The following GPHN variants were observed in gnomAD, a reference collection of about 807,000 sequenced individuals.
GPHN encodes gephyrin.
In GPHN, 17 loss-of-function variants were observed where a neutral mutation model predicts 95.5. That is an observed-to-expected ratio of 0.18 (90% confidence interval 0.12 to 0.27). GPHN has a LOEUF of 0.27. Among genes scored for constraint, GPHN ranks in the 10% least tolerant of loss-of-function variants. GPHN has a pLI of 1.00. For missense variants in GPHN, 660 were observed against 978.1 expected, an observed-to-expected ratio of 0.67 and a Z score of 4.34; for synonymous variants, 320 against 322.5, an observed-to-expected ratio of 0.99 and a Z score of 0.08.
At chr14:66,598,158 G>C (rs1423840454) in intron 1 of GPHN, among the ~76,000 whole-genome samples, 1 of 152,098 alleles carries the variant, frequency 6.6e-6, no homozygotes, top group African/African-American at 2.4e-5. Flanking sequence ...TTGGTTAAAA[G>C]ACAGAAAAAT....
intron 1 of GPHN, among the ~76,000 whole-genome samples, chr14:66,662,846 C>A (rs956835334): frequency 2.0e-5 from 3 of 152,066 alleles, no homozygotes; most frequent in Non-Finnish European, 4.4e-5. Context: ...GTATTAATAG[C>A]AGAATAGACC....
chr14:67,278,228 C>T, the GPHN span, among the ~76,000 whole-genome samples: 6,013 of 151,878 alleles, frequency 0.04, 164 homozygotes, highest in Non-Finnish European at 0.059. Flanking sequence ...TTAGTAGAGA[C>T]GGGGTTTTGC....
intron 10 of GPHN, among the ~76,000 whole-genome samples, chr14:67,032,358 C>A (rs1323423533): frequency 6.6e-6 from 1 of 152,194 alleles, no homozygotes; most frequent in African/African-American, 2.4e-5. Context: ...CAGTGCCACA[C>A]ACAGGCACCA....
intron 2 of GPHN, among the ~76,000 whole-genome samples, chr14:66,765,530 C>T (rs965330758): frequency 2.0e-5 from 3 of 152,078 alleles, no homozygotes; most frequent in East Asian, 3.9e-4. Flanking sequence ...AACCAAATGC[C>T]GTATGTTCTC....
At chr14:66,717,767 T>A (rs2070323990) in intron 2 of GPHN, among the ~76,000 whole-genome samples, 1 of 152,160 alleles carries the variant, frequency 6.6e-6, no homozygotes, top group African/African-American at 2.4e-5. Context: ...GCAGTGATGG[T>A]TATCTCTCTT....
chr14:67,304,596 G>A, the GPHN span, among the ~76,000 whole-genome samples: 1 of 152,202 alleles, frequency 6.6e-6, no homozygotes, highest in East Asian at 1.9e-4. Flanking sequence ...TAAATCCATA[G>A]GAGAGAAAGC....
chr14:67,649,332 G>A, the GPHN span: 1 of 152,070 alleles, frequency 6.6e-6, no homozygotes, highest in Non-Finnish European at 1.5e-5. Context: ...GACCAGCGTG[G>A]GCAACATAGT....
the GPHN span, among the ~76,000 whole-genome samples, chr14:67,206,675 A>G: frequency 1.3e-5 from 2 of 152,276 alleles, no homozygotes; most frequent in South Asian, 2.1e-4. Context: ...TCAGAGTGAA[A>G]TGTGCATAGA....
At chr14:67,396,545 G>A in the GPHN span, among the ~76,000 whole-genome samples, 27 of 152,076 alleles carry the variant, frequency 1.8e-4, no homozygotes, top group African/African-American at 6.5e-4. Flanking sequence ...TCACTCCTTT[G>A]GTGAACATTC....
the GPHN span, among the ~76,000 whole-genome samples, chr14:67,325,979 C>CTT: frequency 0.038 from 4,210 of 110,170 alleles, 361 homozygotes; most frequent in African/African-American, 0.15. Context: ...CGGCTCTTTT[C>CTT]TTTTTTTTTT....
intron 3 of GPHN, among the ~76,000 whole-genome samples, chr14:66,817,793 T>C (rs1245765470): frequency 6.6e-6 from 1 of 152,128 alleles, no homozygotes; most frequent in African/African-American, 2.4e-5. Flanking sequence ...GACATGGTAG[T>C]AGAAGTTTAC....
intron 2 of GPHN, among the ~76,000 whole-genome samples, chr14:66,734,194 T>G (rs1447029040): frequency 6.6e-6 from 1 of 152,160 alleles, no homozygotes; most frequent in Non-Finnish European, 1.5e-5. Flanking sequence ...TCTTAAAACC[T>G]TGGTGGCTCT....
At chr14:67,726,564 G>A in the GPHN span, among the ~76,000 whole-genome samples, 1 of 152,292 alleles carries the variant, frequency 6.6e-6, no homozygotes, top group African/African-American at 2.4e-5. Context: ...ACGAGGCAGG[G>A]TGGGGTTCAG....
At chr14:67,411,098 G>A in the GPHN span, among the ~76,000 whole-genome samples, 1 of 139,390 alleles carries the variant, frequency 7.2e-6, no homozygotes. Context: ...GGTGAGCCAG[G>A]ATTGTGCCAC....
chr14:66,968,520 G>A (rs964342506), intron 9 of GPHN, among the ~76,000 whole-genome samples: 1 of 152,098 alleles, frequency 6.6e-6, no homozygotes, highest in African/African-American at 2.4e-5. Context: ...GCACAGAAAT[G>A]TATGTGCAAA....
the GPHN span, chr14:67,600,207 GC>G: frequency 3.8e-6 from 6 of 1,566,476 alleles, no homozygotes; most frequent in African/African-American, 6.8e-5. Flanking sequence ...CCTCCATGAC[GC>G]CCCCACTCGG....
intron 1 of GPHN, among the ~76,000 whole-genome samples, chr14:66,535,584 T>C (rs28869879): frequency 0.33 from 50,417 of 152,056 alleles, 12,355 homozygotes; most frequent in African/African-American, 0.67. Flanking sequence ...TAGAGTCTTC[T>C]AGTCCATGAA....
At chr14:67,538,983 A>G in the GPHN span, among the ~76,000 whole-genome samples, 3 of 152,174 alleles carry the variant, frequency 2.0e-5, no homozygotes, top group African/African-American at 4.8e-5. Context: ...AGCTTTGACA[A>G]TCAGTAAGAG....
At chr14:67,730,621 G>T in the GPHN span, among the ~76,000 whole-genome samples, 1 of 150,398 alleles carries the variant, frequency 6.6e-6, no homozygotes, top group African/African-American at 2.4e-5. Context: ...ATTTTTTTTT[G>T]AGATGGATTT....
Sources: gnomAD v4.1 joint callset for allele counts (sites outside exome capture counted in the v4.1 genomes callset) on GRCh38, gnomAD v4.1.1 for gene constraint, MANE v1.5 for transcripts, NCBI Gene and HGNC (gene_info 2026-07-23, HGNC 2026-07-21) for gene names.